Variants in NUGGC observed in about 807,000 individuals in gnomAD.
NUGGC encodes nuclear GTPase, germinal center associated.
A neutral mutation model predicts 92.6 loss-of-function variants in NUGGC; 58 were observed. The observed-to-expected ratio is 0.63, with a 90% CI of 0.51 to 0.78. The LOEUF (loss-of-function observed/expected upper bound fraction) is 0.78. NUGGC is among the 30% of genes least tolerant of loss of function. The pLI is 0.00. For synonymous variants in NUGGC, 376 were observed against 366.4 expected (o/e 1.03, Z -0.30); for missense variants, 925 against 964.6 (o/e 0.96, Z 0.54).
At chr8:28,070,045 T>C (rs1810547189) in intron 3 of NUGGC, 1 of 955,542 alleles carries the variant, frequency 1.0e-6, no homozygotes, top group Non-Finnish European at 1.2e-6. Flanking sequence ...AAGAAGTTAT[T>C]TTGATAACAA....
chr8:28,051,379 T>C (rs912486536), intron 10 of NUGGC, among the ~76,000 whole-genome samples: 10 of 152,202 alleles, frequency 6.6e-5, no homozygotes, highest in Non-Finnish European at 1.2e-4. Context: ...GAGCTCATTA[T>C]GATCCTAAAA....
rs1809150106 is a variant in NUGGC at position 28,022,786 on chromosome 8, G to A, written c.*531C>T. 6.6e-6 allele frequency: 1 copy of A among 151,860 alleles called. No individual in the cohort carries two copies. Among genetic ancestry groups the A allele is most frequent in the African/African-American group, 2.4e-5 (1 of 41,298 alleles). The allele number at this position is 151,860 out of a possible 1,614,324, so 9.4% of individuals were successfully genotyped here. ...CACAAAAAATTAAAAAATTACCCAGGTATGGGCCGGGCACGGTGGCTCATG... is the reference window on the plus strand; with the variant it reads ...CACAAAAAATTAAAAAATTACCCAGATATGGGCCGGGCACGGTGGCTCATG... On this transcript the variant is annotated 3_prime_UTR_variant, in exon 19 of 19. Coordinates refer to ENST00000413272, the MANE Select transcript of NUGGC (RefSeq NM_001010906.2).
chr8:28,031,762 G>T (rs1262530585), intron 14 of NUGGC, among the ~76,000 whole-genome samples: 1 of 152,206 alleles, frequency 6.6e-6, no homozygotes, highest in Non-Finnish European at 1.5e-5. Context: ...CTAAAAGTTG[G>T]GTAAGATCTG....
chr8:28,032,857 T>A (rs1464286307), intron 14 of NUGGC, among the ~76,000 whole-genome samples: 1 of 152,012 alleles, frequency 6.6e-6, no homozygotes, highest in Non-Finnish European at 1.5e-5. Context: ...GCATCTTCAG[T>A]GCATTCAGGG....
At chr8:28,067,240 A>G (rs949836605) in intron 6 of NUGGC, among the ~76,000 whole-genome samples, 2 of 152,222 alleles carry the variant, frequency 1.3e-5, no homozygotes, top group African/African-American at 4.8e-5. Context: ...TTCTTAAAAA[A>G]TCTTTGGCAG....
intron 11 of NUGGC, 87 bp from the exon 12 acceptor site, chr8:28,045,747 C>T (rs777488483): frequency 1.3e-5 from 18 of 1,412,334 alleles, no homozygotes; most frequent in South Asian, 2.7e-5. Context: ...ACCAAGGTGG[C>T]GATATGAATG....
chr8:28,063,764 A>G (rs760926113), intron 7 of NUGGC, among the ~76,000 whole-genome samples: 1 of 152,144 alleles, frequency 6.6e-6, no homozygotes, highest in African/African-American at 2.4e-5. Flanking sequence ...TCATTCATCT[A>G]AACAAACCTG....
At position 28,047,588 on chromosome 8, in the gene NUGGC, C is replaced by A. The variant is rs769443183; in HGVS notation, c.1231G>T (p.Val411Phe). 46 of 1,562,112 alleles carry A rather than the reference C, an allele frequency of 2.9e-5. No homozygotes were observed. Among genetic ancestry groups the A allele is most frequent in the Non-Finnish European group, 3.7e-5 (43 of 1,152,068 alleles). Reference protein sequence around the residue: ...LKRKLPADFKVLEASDLVYTV... With the variant: ...LKRKLPADFKFLEASDLVYTV... ...TACACCAGATCTGAGGCTTCCAGAA[C>A]CTTGAAGTCAGCTGGCAGTTTTCTC... Residue 411 changes from valine (V) to phenylalanine (F), a missense_variant, in exon 11 of 19, where the codon GTT (valine) becomes TTT (phenylalanine). Coordinates refer to ENST00000413272, the MANE Select transcript of NUGGC (RefSeq NM_001010906.2).
intron 10 of NUGGC, among the ~76,000 whole-genome samples, chr8:28,051,214 G>A (rs369757274): frequency 2.0e-5 from 3 of 152,296 alleles, no homozygotes; most frequent in South Asian, 2.1e-4. Context: ...GAAAAATAAA[G>A]TGAACCTGAA....
At chr8:28,026,065 T>G (rs957867702) in intron 18 of NUGGC, among the ~76,000 whole-genome samples, 1 of 152,202 alleles carries the variant, frequency 6.6e-6, no homozygotes, top group Non-Finnish European at 1.5e-5. Context: ...GTTTTCCACT[T>G]TGTAATATAT....
intron 10 of NUGGC, among the ~76,000 whole-genome samples, chr8:28,054,943 T>A (rs1810095618): frequency 2.6e-5 from 4 of 152,090 alleles, no homozygotes; most frequent in Admixed American, 1.3e-4. Flanking sequence ...TCCCAGCATT[T>A]TGGGAGGCCA....
Position 28,031,365 on chromosome 8 carries a change from C to T in NUGGC, c.1786G>A (p.Gly596Ser). 7.4e-6 allele frequency: 12 copies of T among 1,613,896 alleles called. No homozygotes were observed. Among genetic ancestry groups the T allele is most frequent in the Non-Finnish European group, 1.0e-5 (12 of 1,179,794 alleles). Residue 596 changes from glycine to serine, a missense_variant, in exon 15 of 19, where the codon GGT (glycine) becomes AGT (serine). Coordinates refer to ENST00000413272, the MANE Select transcript of NUGGC (RefSeq NM_001010906.2). ...GSIFRTGKPT[G>S]SALMPHIDAF... is the part of the protein sequence containing the mutation. ...TCTATGTGAGGCATCAGAGCTGAAC[C>T]AGTGGGCTTCCCCGTCCTACGGAAG...
chr8:28,083,302 C>T (rs1287105727), intron 1 of NUGGC, among the ~76,000 whole-genome samples: 1 of 152,156 alleles, frequency 6.6e-6, no homozygotes. Flanking sequence ...GGGACTCCTT[C>T]CCCAAAACCC....
At position 28,068,292 on chromosome 8, in the gene NUGGC, C is replaced by T; in HGVS notation, c.404G>A (p.Cys135Tyr). 6.4e-7 allele frequency: 1 copy of T among 1,551,970 alleles called. No individual in the cohort carries two copies. The highest frequency in any genetic ancestry group is 1.2e-5 in the South Asian group (1 of 84,052). ...MFLPVSGESI[C>Y]TSCIVQVSSG... ...GCTCACTTGTACAATGCAGGAAGTACATATGCTTTCTCCAGACACTGGTAG... is the reference window on the plus strand; with the variant it reads ...GCTCACTTGTACAATGCAGGAAGTATATATGCTTTCTCCAGACACTGGTAG... Residue 135 changes from cysteine to tyrosine, a missense_variant, in exon 5 of 19, where the codon TGT (cysteine) becomes TAT (tyrosine). By Grantham distance (194) the Cys-to-Tyr change is radical. Transcript: ENST00000413272.
intron 6 of NUGGC, 124 bp from the exon 7 acceptor site, chr8:28,064,855 G>A (rs1227599458): frequency 2.6e-6 from 2 of 755,604 alleles, no homozygotes; most frequent in Non-Finnish European, 4.4e-6. Flanking sequence ...CCAACAGGAG[G>A]CCTGCAATCA....
Position 28,023,263 on chromosome 8 carries a change from C to G in NUGGC, c.*54G>C. 3 of 1,552,980 alleles carry G rather than the reference C, an allele frequency of 1.9e-6. No individual in the cohort carries two copies. Among genetic ancestry groups the G allele is most frequent in the Non-Finnish European group, 2.6e-6 (3 of 1,147,050 alleles). ...TCTCTTAAGAACAAAAAAAGTAATT[C>G]TAATTCTCTGGCTCTGGGCTGATTT... On this transcript the variant is annotated 3_prime_UTR_variant, in exon 19 of 19. Coordinates refer to ENST00000413272, the MANE Select transcript of NUGGC (RefSeq NM_001010906.2).
intron 1 of NUGGC, among the ~76,000 whole-genome samples, chr8:28,075,468 C>A (rs1233363102): frequency 2.0e-5 from 3 of 152,218 alleles, no homozygotes; most frequent in African/African-American, 7.2e-5. Context: ...AATCTGCTAG[C>A]CTGGAGCTGC....
intron 15 of NUGGC, 98 bp from the exon 16 acceptor site, chr8:28,030,516 C>G: frequency 1.4e-6 from 1 of 694,298 alleles, no homozygotes; most frequent in Non-Finnish European, 2.7e-6. Flanking sequence ...CCACCTCCAC[C>G]TTATATGATG....
intron 12 of NUGGC, among the ~76,000 whole-genome samples, chr8:28,045,197 TA>T (rs1335151460): frequency 6.6e-6 from 1 of 152,180 alleles, no homozygotes; most frequent in Non-Finnish European, 1.5e-5. Context: ...AAGAAGTGTC[TA>T]TATTCCACTA....
Sources: gnomAD v4.1 joint callset for allele counts (sites outside exome capture counted in the v4.1 genomes callset) on GRCh38, gnomAD v4.1.1 for gene constraint, MANE v1.5 for transcripts, NCBI Gene and HGNC (gene_info 2026-07-23, HGNC 2026-07-21) for gene names.